The following P2RX5 variants were observed in gnomAD, a reference collection of about 807,000 sequenced individuals.
P2RX5 encodes purinergic receptor P2X 5.
In P2RX5, 46 loss-of-function variants were observed where a neutral mutation model predicts 54.1. That is an observed-to-expected ratio of 0.85 (90% confidence interval 0.67 to 1.09). The LOEUF is 1.09. Ranked by LOEUF, P2RX5 falls within the 50% of genes least tolerant of loss-of-function variation. P2RX5 has a pLI of 0.00. For synonymous variants in P2RX5, 226 were observed against 226.4 expected, an observed-to-expected ratio of 1.00 and a Z score of 0.02; for missense variants, 566 against 549.8, an observed-to-expected ratio of 1.03 and a Z score of -0.29.
At chr17:3,716,739 G>A in the P2RX5 span, 1 of 1,612,032 alleles carries the variant, frequency 6.2e-7, no homozygotes, top group South Asian at 1.1e-5. Flanking sequence ...CACCAACGCT[G>A]CCTTTAATGA....
intron 1 of P2RX5, among the ~76,000 whole-genome samples, chr17:3,694,343 T>C (rs928620420): frequency 6.6e-6 from 1 of 152,158 alleles, no homozygotes; most frequent in African/African-American, 2.4e-5. Context: ...TAGCTGGGAT[T>C]ACAGGCGCCA....
the P2RX5 span, among the ~76,000 whole-genome samples, chr17:3,719,503 G>C: frequency 0.14 from 20,702 of 151,992 alleles, 4,719 homozygotes; most frequent in African/African-American, 0.47. Flanking sequence ...TGAAAACACA[G>C]GGTAACACAC....
chr17:3,673,666 A>G lies in P2RX5; in HGVS notation c.*202T>C. On this transcript the variant is annotated 3_prime_UTR_variant, in exon 12 of 12. Transcript: ENST00000225328. The stretch of plus-strand genomic sequence containing the variant: ...CAGGGGGTGGGGCAAAAAGACAGCC[A>G]TGATGGGTCCGTCCTGATGACCCCA... 6.8e-7 allele frequency: 1 copy of G among 1,471,750 alleles called. No individual in the cohort carries two copies. The highest frequency in any genetic ancestry group is 9.0e-7 in the Non-Finnish European group (1 of 1,111,648). 91.2% of individuals were successfully genotyped at this position (1,471,750 alleles called of 1,614,324 possible).
chr17:3,692,722 G>A (rs1387775619), intron 1 of P2RX5, among the ~76,000 whole-genome samples: 5 of 152,196 alleles, frequency 3.3e-5, no homozygotes, highest in South Asian at 4.2e-4. Context: ...CCAGCCTGTC[G>A]TCCCAGCTAC....
At chr17:3,675,401 T>TC in intron 11 of P2RX5, 4 of 985,346 alleles carry the variant, frequency 4.1e-6, no homozygotes, top group Non-Finnish European at 4.8e-6. Flanking sequence ...TTCTGTGGCT[T>TC]CTGCCAGCCA....
At chr17:3,692,621 C>T (rs867892009) in intron 1 of P2RX5, among the ~76,000 whole-genome samples, 13 of 152,062 alleles carry the variant, frequency 8.5e-5, no homozygotes, top group East Asian at 1.9e-4. Context: ...GCAGGAGGAT[C>T]GCTTGAGCCC....
chr17:3,709,248 C>T, the P2RX5 span, among the ~76,000 whole-genome samples: 1 of 152,176 alleles, frequency 6.6e-6, no homozygotes, highest in African/African-American at 2.4e-5. Flanking sequence ...TGGAAAGATA[C>T]ACGTTAAACC....
chr17:3,723,324 G>A, the P2RX5 span: 10 of 1,613,624 alleles, frequency 6.2e-6, no homozygotes, highest in Admixed American at 3.3e-5. Context: ...CTGCAGCCAC[G>A]GTGACATTTT....
At chr17:3,706,050 G>A in the P2RX5 span, among the ~76,000 whole-genome samples, 1 of 152,026 alleles carries the variant, frequency 6.6e-6, no homozygotes, top group Non-Finnish European at 1.5e-5. Flanking sequence ...TGTCTCCTGG[G>A]TTCAAGTGAT....
chr17:3,699,864 A>AG (rs2050803469), upstream of P2RX5, among the ~76,000 whole-genome samples: 1 of 53,690 alleles, frequency 1.9e-5, no homozygotes, highest in Non-Finnish European at 4.5e-5. Flanking sequence ...AAAGAAAGAA[A>AG]GAAAGAAAGA....
intron 11 of P2RX5, chr17:3,675,866 T>C (rs1005019421): frequency 3.0e-6 from 3 of 985,230 alleles, no homozygotes; most frequent in African/African-American, 1.7e-5. Flanking sequence ...CTTTACTTTC[T>C]AATCAGAGAG....
At chr17:3,679,806 C>A (rs773960615) in intron 10 of P2RX5, 22 bp from the exon 11 acceptor site, 18 of 1,603,556 alleles carry the variant, frequency 1.1e-5, no homozygotes, top group Non-Finnish European at 1.4e-5. Context: ...ACAAGCTGTT[C>A]ACCTGGGACG....
chr17:3,679,382 A>G (rs1296917159), intron 11 of P2RX5, among the ~76,000 whole-genome samples: 1 of 152,158 alleles, frequency 6.6e-6, no homozygotes, highest in Non-Finnish European at 1.5e-5. Context: ...ATGGCCATCC[A>G]GGGTCTCGGG....
chr17:3,693,127 C>CAA (rs34356240), intron 1 of P2RX5, among the ~76,000 whole-genome samples: 38,701 of 101,282 alleles, frequency 0.38, 8,125 homozygotes, highest in Non-Finnish European at 0.46. Context: ...AGACATTTCT[C>CAA]AAAAAAAAAA....
chr17:3,675,108 TGG>T (rs1271581152), intron 11 of P2RX5, among the ~76,000 whole-genome samples: 3 of 152,064 alleles, frequency 2.0e-5, no homozygotes, highest in African/African-American at 7.2e-5. Flanking sequence ...GGCACGATCT[TGG>T]ATCACTGCAA....
Position 3,673,409 on chromosome 17 carries a change from A to C in P2RX5, c.*459T>G. On this transcript the variant is annotated 3_prime_UTR_variant, in exon 12 of 12. Transcript: ENST00000225328. ...GAGAGAGTACTTGGATCCACTGGAG[A>C]GTATGCTCTGAGGGAAGCTGCGGCA... 2 of 1,063,092 alleles carry C rather than the reference A, an allele frequency of 1.9e-6. No individual in the cohort carries two copies. The highest frequency in any genetic ancestry group is 2.3e-6 in the Non-Finnish European group (2 of 876,200). The allele number at this position is 1,063,092 out of a possible 1,614,324, so 65.9% of individuals were successfully genotyped here. A position where few individuals can be genotyped will look rare whatever the true frequency, so the allele number is the denominator to read the frequency against.
At chr17:3,709,034 A>G in the P2RX5 span, among the ~76,000 whole-genome samples, 1 of 152,004 alleles carries the variant, frequency 6.6e-6, no homozygotes, top group Non-Finnish European at 1.5e-5. Context: ...TCACTGCAAC[A>G]TCCCCCTCCC....
At chr17:3,690,042 G>C in intron 6 of P2RX5, 28 bp downstream of exon 6, 4 of 1,604,572 alleles carry the variant, frequency 2.5e-6, no homozygotes, top group Non-Finnish European at 3.4e-6. Context: ...AGGCCCACCC[G>C]TGGCCCCCAG....
chr17:3,678,666 G>A (rs1243920518), intron 11 of P2RX5, among the ~76,000 whole-genome samples: 1 of 152,186 alleles, frequency 6.6e-6, no homozygotes, highest in Non-Finnish European at 1.5e-5. Context: ...CCAGCTGAAC[G>A]CTGCCAATTC....
Sources: allele counts gnomAD v4.1 joint callset (sites outside exome capture counted in the v4.1 genomes callset), GRCh38; gene constraint gnomAD v4.1.1; transcripts MANE v1.5; gene names NCBI Gene and HGNC (gene_info 2026-07-23, HGNC 2026-07-21).